The following MBNL2 variants were observed in gnomAD, a reference collection of about 807,000 sequenced individuals.
The protein encoded by MBNL2 is muscleblind-like protein 2.
In MBNL2, 17 loss-of-function variants were observed where a neutral mutation model predicts 41.9. The ratio of observed to expected loss-of-function variants is 0.41; its 90% CI spans 0.28 to 0.61. MBNL2 has a LOEUF of 0.61. MBNL2 is among the 20% of genes least tolerant of loss of function. MBNL2 has a pLI of 0.35. For synonymous variants in MBNL2, 195 were observed against 182.9 expected (o/e 1.07, Z -0.53); for missense variants, 336 against 505.6 (o/e 0.66, Z 3.22).
At chr13:97,287,029 C>T (rs1359032859) in intron 2 of MBNL2, among the ~76,000 whole-genome samples, 1 of 152,148 alleles carries the variant, frequency 6.6e-6, no homozygotes, top group African/African-American at 2.4e-5. Flanking sequence ...TCTAACTGTT[C>T]CAATAAAATT....
At chr13:97,237,081 ATAAGGATGGC>A (rs2043415052) in intron 1 of MBNL2, among the ~76,000 whole-genome samples, 1 of 152,230 alleles carries the variant, frequency 6.6e-6, no homozygotes, top group African/African-American at 2.4e-5. Context: ...CAAAAAATAA[ATAAGGATGGC>A]TAAGGATGGC....
intron 2 of MBNL2, among the ~76,000 whole-genome samples, chr13:97,312,082 G>A (rs973733231): frequency 5.3e-5 from 8 of 152,216 alleles, no homozygotes; most frequent in Non-Finnish European, 5.9e-5. Flanking sequence ...CCCATGGCAT[G>A]TGAGAACATT....
At chr13:97,168,630 G>C in the MBNL2 span, among the ~76,000 whole-genome samples, 1 of 152,134 alleles carries the variant, frequency 6.6e-6, no homozygotes, top group Admixed American at 6.5e-5. Context: ...TGTTTAAATA[G>C]TGCCCGGCAC....
At chr13:97,278,807 C>CA (rs2052732175) in intron 2 of MBNL2, among the ~76,000 whole-genome samples, 2 of 152,134 alleles carry the variant, frequency 1.3e-5, no homozygotes, top group South Asian at 4.1e-4. Flanking sequence ...AATTTGAGTG[C>CA]AACATTACAC....
rs752949533 is a variant in MBNL2, at chr13:97,343,178, A to G, written c.502A>G (p.Thr168Ala). The change falls in exon 4 of 9, where the codon ACT becomes GCT. Residue 168 changes from threonine (T) to alanine (A), a missense_variant. Physicochemically the swap from Thr to Ala is moderately conservative, Grantham distance 58. Coordinates refer to ENST00000679496, the MANE Select transcript of MBNL2 (RefSeq NM_001382683.1). Reference protein sequence around the residue: ...GSPPVTVPGSTATQKLLRTDK... With the variant: ...GSPPVTVPGSAATQKLLRTDK... ...TCCACCGGTCACTGTCCCGGGCTCA[A>G]CTGCAACTCAGAAACTTCTCAGGAC... is the stretch of plus-strand genomic sequence containing the variant. 8 of 1,612,866 alleles carry G rather than the reference A, an allele frequency of 5.0e-6. No homozygotes were observed. Among genetic ancestry groups the G allele is most frequent in the Non-Finnish European group, 5.9e-6 (7 of 1,179,540 alleles).
chr13:97,347,585 G>C (rs1293471764), intron 5 of MBNL2, among the ~76,000 whole-genome samples: 1 of 152,210 alleles, frequency 6.6e-6, no homozygotes, highest in Non-Finnish European at 1.5e-5. Context: ...ATGCTGGTCA[G>C]ATTCCCCATC....
the MBNL2 span, among the ~76,000 whole-genome samples, chr13:97,204,031 AG>A: frequency 5.3e-5 from 8 of 152,330 alleles, no homozygotes; most frequent in South Asian, 1.7e-3. Context: ...TGTAATTGCA[AG>A]GTGTAGTTCA....
At chr13:97,182,753 C>T in the MBNL2 span, among the ~76,000 whole-genome samples, 14,072 of 152,172 alleles carry the variant, frequency 0.092, 703 homozygotes, top group South Asian at 0.16. Flanking sequence ...TATAAGGGCA[C>T]ACGTAGATTT....
intron 2 of MBNL2, among the ~76,000 whole-genome samples, chr13:97,288,970 C>T (rs1566394658): frequency 6.6e-6 from 1 of 152,156 alleles, no homozygotes; most frequent in Non-Finnish European, 1.5e-5. Flanking sequence ...ATATTAAGCT[C>T]TGTAGAACAT....
At chr13:97,219,616 A>C (rs1308161996), upstream of MBNL2, among the ~76,000 whole-genome samples, 1 of 152,144 alleles carries the variant, frequency 6.6e-6, no homozygotes, top group Non-Finnish European at 1.5e-5. Context: ...GGTGTCTCAG[A>C]AGAACACAAA....
At chr13:97,293,312 A>G (rs559988413) in intron 2 of MBNL2, among the ~76,000 whole-genome samples, 7 of 152,288 alleles carry the variant, frequency 4.6e-5, no homozygotes, top group South Asian at 4.1e-4. Flanking sequence ...AACCACTTCT[A>G]AAATATCCAA....
chr13:97,359,826 G>A (rs145076191), intron 7 of MBNL2, among the ~76,000 whole-genome samples: 215 of 152,228 alleles, frequency 1.4e-3, no homozygotes, highest in African/African-American at 5.0e-3. Flanking sequence ...TTCTGAAATG[G>A]TATTTCAACT....
intron 5 of MBNL2, among the ~76,000 whole-genome samples, chr13:97,350,868 C>T (rs1338074732): frequency 1.3e-5 from 2 of 152,166 alleles, no homozygotes; most frequent in Non-Finnish European, 2.9e-5. Flanking sequence ...TTCCAAACTC[C>T]TGTTCATGTT....
chr13:97,333,033 G>A (rs2060560040), intron 2 of MBNL2, among the ~76,000 whole-genome samples: 1 of 152,212 alleles, frequency 6.6e-6, no homozygotes, highest in Non-Finnish European at 1.5e-5. Flanking sequence ...CAAAAGTGCG[G>A]ATGAAATTAG....
the MBNL2 span, among the ~76,000 whole-genome samples, chr13:97,175,629 A>C: frequency 1.3e-5 from 2 of 152,202 alleles, no homozygotes; most frequent in African/African-American, 4.8e-5. Flanking sequence ...CAGGTATTTA[A>C]AAGCTAAGTG....
At chr13:97,192,247 A>G in the MBNL2 span, among the ~76,000 whole-genome samples, 2 of 152,214 alleles carry the variant, frequency 1.3e-5, no homozygotes, top group African/African-American at 4.8e-5. Flanking sequence ...TTTCCCAAAA[A>G]TGTACCAGCT....
At chr13:97,306,704 G>A (rs529329945) in intron 2 of MBNL2, among the ~76,000 whole-genome samples, 1 of 152,318 alleles carries the variant, frequency 6.6e-6, no homozygotes, top group Admixed American at 6.5e-5. Context: ...AACTTGAAGG[G>A]CTTCCCAGCA....
chr13:97,287,978 T>G (rs192776058), intron 2 of MBNL2, among the ~76,000 whole-genome samples: 84 of 149,946 alleles, frequency 5.6e-4, no homozygotes, highest in African/African-American at 1.9e-3. Context: ...TTCACGATGT[T>G]GGCCAGGTTG....
intron 2 of MBNL2, among the ~76,000 whole-genome samples, chr13:97,301,262 C>G (rs938246956): frequency 1.7e-4 from 26 of 152,168 alleles, no homozygotes; most frequent in African/African-American, 6.0e-4. Flanking sequence ...CTGCGTTACT[C>G]CATTTATCCC....
Sources: allele counts gnomAD v4.1 joint callset (sites outside exome capture counted in the v4.1 genomes callset), GRCh38; gene constraint gnomAD v4.1.1; transcripts MANE v1.5; gene names NCBI Gene and HGNC (gene_info 2026-07-23, HGNC 2026-07-21).